The following C16orf96 variants were observed in gnomAD, a reference collection of about 807,000 sequenced individuals.
C16orf96 encodes the protein uncharacterized protein C16orf96.
Under a neutral mutation model 103.6 loss-of-function variants are expected in C16orf96, and 108 were observed. The observed-to-expected ratio is 1.04, with a 90% CI of 0.89 to 1.22. C16orf96 has a LOEUF of 1.22. Among genes scored for constraint, C16orf96 ranks in the 50% most tolerant of loss-of-function variants. C16orf96 has a pLI of 0.00. For synonymous variants in C16orf96, 566 were observed against 593.5 expected (o/e 0.95, Z 0.67); for missense variants, 1,586 against 1,464.2 (o/e 1.08, Z -1.36).
At chr16:4,539,301 G>T in the C16orf96 span, among the ~76,000 whole-genome samples, 13 of 152,354 alleles carry the variant, frequency 8.5e-5, no homozygotes, top group African/African-American at 3.1e-4. Flanking sequence ...AACAAAGATA[G>T]TTAACAGCCC....
intron 14 of C16orf96, among the ~76,000 whole-genome samples, chr16:4,598,489 T>G (rs1282234897): frequency 6.6e-6 from 1 of 151,954 alleles, no homozygotes; most frequent in Non-Finnish European, 1.5e-5. Context: ...CAGGGCCCCT[T>G]TTGGGGTAAT....
intron 11 of C16orf96, among the ~76,000 whole-genome samples, chr16:4,592,799 G>A (rs1312261242): frequency 1.3e-5 from 2 of 152,168 alleles, no homozygotes; most frequent in Non-Finnish European, 2.9e-5. Context: ...AGGAGTTCGA[G>A]GCTGTAGTGA....
the C16orf96 span, among the ~76,000 whole-genome samples, chr16:4,542,024 G>A: frequency 2.4e-4 from 37 of 152,264 alleles, no homozygotes; most frequent in African/African-American, 8.9e-4. Flanking sequence ...TGTGGAGAAT[G>A]GTTTAGACCA....
intron 1 of C16orf96, among the ~76,000 whole-genome samples, chr16:4,565,252 G>A (rs1311947481): frequency 2.0e-5 from 3 of 152,122 alleles, no homozygotes; most frequent in Non-Finnish European, 4.4e-5. Context: ...CAACTGTCGG[G>A]GACGCACTTT....
the C16orf96 span, among the ~76,000 whole-genome samples, chr16:4,550,670 G>A: frequency 2.6e-5 from 4 of 152,230 alleles, no homozygotes; most frequent in East Asian, 7.7e-4. Flanking sequence ...CTACGTGGAG[G>A]GTTTAAGGCA....
chr16:4,581,361 C>T lies in C16orf96; in HGVS notation c.2352+1236C>T, dbSNP rs1245392040. Among the ~76,000 whole-genome samples, 46 of 149,682 alleles carry T rather than the reference C, an allele frequency of 3.1e-4. 1 individual carries two copies. The highest frequency in any genetic ancestry group is 7.1e-4 in the African/African-American group (29 of 40,772). ...AAAAAAAAATAAAAAGGGCCAGGCG[C>T]GGTGGCTCACGCCTGTAATCCCAGC... On this transcript the variant is annotated intron_variant, in intron 7 of 15. Transcript: ENST00000444310.
At chr16:4,551,295 C>T in the C16orf96 span, among the ~76,000 whole-genome samples, 5 of 152,212 alleles carry the variant, frequency 3.3e-5, no homozygotes, top group South Asian at 1.0e-3. Context: ...ATATTAGAAG[C>T]GAATGGCTTG....
At position 4,556,891 on chromosome 16, in the gene C16orf96, T is replaced by C. The variant is rs2059270272; in HGVS notation, c.402T>C (p.His134=). ...AGCTCCGGAAGATGGTGGAGGGTCA[T>C]GATGAAGTCATGGCCAAGGTACGCC... ...LIKLRKMVEG[H]DEVMAKSMQT... Residue 134 remains histidine, a synonymous_variant, in exon 1 of 16, where the codon CAT becomes CAC. Coordinates refer to ENST00000444310, the MANE Select transcript of C16orf96 (RefSeq NM_001145011.2). 6.5e-7 allele frequency: 1 copy of C among 1,545,162 alleles called. No individual in the cohort carries two copies. The highest frequency in any genetic ancestry group is 8.8e-7 in the Non-Finnish European group (1 of 1,141,880).
chr16:4,579,798 G>C (rs1390261161), intron 6 of C16orf96, among the ~76,000 whole-genome samples: 1 of 152,042 alleles, frequency 6.6e-6, no homozygotes, highest in East Asian at 1.9e-4. Flanking sequence ...TTTTTGTAGA[G>C]ACTGGTTTCG....
intron 7 of C16orf96, among the ~76,000 whole-genome samples, chr16:4,582,826 G>A (rs572211016): frequency 6.6e-6 from 1 of 152,202 alleles, no homozygotes; most frequent in African/African-American, 2.4e-5. Context: ...CGTGTCCGTA[G>A]TTGTCACTTA....
chr16:4,565,467 T>C (rs953368637), intron 1 of C16orf96, among the ~76,000 whole-genome samples: 3 of 152,194 alleles, frequency 2.0e-5, no homozygotes, highest in Non-Finnish European at 2.9e-5. Flanking sequence ...GGGGAGGTTG[T>C]AGTAAGCTGA....
At chr16:4,582,282 CAAAA>C (rs1263841672) in intron 7 of C16orf96, among the ~76,000 whole-genome samples, 2 of 114,914 alleles carry the variant, frequency 1.7e-5, no homozygotes, top group African/African-American at 6.6e-5. Context: ...GACTCAGTCT[CAAAA>C]AATAAATAAA....
In C16orf96 at chr16:4,594,747, G is replaced by T; in HGVS notation, c.3071G>T (p.Gly1024Val). 1 of 1,551,198 alleles carries T rather than the reference G, an allele frequency of 6.4e-7. No individual in the cohort carries two copies. The highest frequency in any genetic ancestry group is 8.7e-7 in the Non-Finnish European group (1 of 1,146,918). The change falls in exon 14 of 16, where the codon GGC becomes GTC. Residue 1024 changes from glycine to valine, a missense_variant. Transcript: ENST00000444310. ...GGCGTGGATGGGATCCTGTACAAAG[G>T]CCGCGTGAACAGCCAGCGTGGGGCT... ...ILGVDGILYK[G>V]RVNSQRGAQP... is the part of the protein sequence containing the mutation.
chr16:4,557,754 C>T (rs961065566), intron 1 of C16orf96, among the ~76,000 whole-genome samples: 2 of 152,116 alleles, frequency 1.3e-5, no homozygotes, highest in Non-Finnish European at 2.9e-5. Context: ...ACTGTAGCCT[C>T]GACCTCCCAG....
chr16:4,547,672 G>GCTTCCTTCCTTCCTTCCTTC, the C16orf96 span, among the ~76,000 whole-genome samples: 6 of 105,670 alleles, frequency 5.7e-5, no homozygotes, highest in African/African-American at 2.8e-4. Context: ...TTCCTTCCTT[G>GCTTCCTTCCTTCCTTCCTTC]CTTCCTTCCT....
chr16:4,571,862 T>G (rs1567443387), intron 2 of C16orf96, among the ~76,000 whole-genome samples, 197 bp downstream of exon 2: 1 of 150,828 alleles, frequency 6.6e-6, no homozygotes, highest in Non-Finnish European at 1.5e-5. Flanking sequence ...TTTCTTTTTT[T>G]TTTTTAAGAC....
chr16:4,592,047 C>T (rs1897070920), intron 10 of C16orf96, among the ~76,000 whole-genome samples: 1 of 152,234 alleles, frequency 6.6e-6, no homozygotes, highest in South Asian at 2.1e-4. Context: ...CCCACCCAGA[C>T]AGTGCCCCAG....
At chr16:4,558,830 G>A (rs570323176) in intron 1 of C16orf96, among the ~76,000 whole-genome samples, 162 of 147,958 alleles carry the variant, frequency 1.1e-3, no homozygotes, top group Non-Finnish European at 1.8e-3. Flanking sequence ...CAGGAGAATC[G>A]CTTGAACCCA....
At chr16:4,574,876 A>G in intron 3 of C16orf96, 87 bp downstream of exon 3, 1 of 1,522,794 alleles carries the variant, frequency 6.6e-7, no homozygotes, top group South Asian at 1.2e-5. Flanking sequence ...GGGAGGTGCA[A>G]GGAGGAGAAC....
Sources: allele counts gnomAD v4.1 joint callset (sites outside exome capture counted in the v4.1 genomes callset), GRCh38; gene constraint gnomAD v4.1.1; transcripts MANE v1.5; gene names NCBI Gene and HGNC (gene_info 2026-07-23, HGNC 2026-07-21).